Variants in CNTNAP2 observed in about 807,000 individuals in gnomAD.
The protein encoded by CNTNAP2 is contactin associated protein 2, also known as contactin-associated protein-like 2.
A neutral mutation model predicts 155.2 loss-of-function variants in CNTNAP2; 98 were observed. That is an observed-to-expected ratio of 0.63 (90% CI 0.54 to 0.75). CNTNAP2 has a LOEUF of 0.75. CNTNAP2 is among the 30% of genes least tolerant of loss of function. CNTNAP2 has a pLI of 0.00. For missense variants in CNTNAP2, 1,727 were observed against 1,688.1 expected (o/e 1.02, Z -0.40); for synonymous variants, 651 against 631.2 (o/e 1.03, Z -0.47).
intron 1 of CNTNAP2, among the ~76,000 whole-genome samples, chr7:146,179,761 A>G (rs1429830618): frequency 6.6e-6 from 1 of 152,136 alleles, no homozygotes; most frequent in Non-Finnish European, 1.5e-5. Flanking sequence ...GACCTTTCAA[A>G]ATTTAATTAT....
intron 13 of CNTNAP2, among the ~76,000 whole-genome samples, chr7:147,743,448 T>G (rs1355463834): frequency 1.3e-5 from 2 of 152,138 alleles, no homozygotes; most frequent in Admixed American, 1.3e-4. Context: ...CAAAGCAAAT[T>G]TGCTTTGTCT....
chr7:147,661,307 G>A (rs372599676), intron 13 of CNTNAP2, among the ~76,000 whole-genome samples: 3 of 151,696 alleles, frequency 2.0e-5, no homozygotes, highest in South Asian at 2.1e-4. Context: ...AATTTTAAGC[G>A]GTGCATTTTT....
intron 3 of CNTNAP2, among the ~76,000 whole-genome samples, chr7:147,041,873 A>T (rs1799265335): frequency 6.6e-6 from 1 of 152,206 alleles, no homozygotes; most frequent in Non-Finnish European, 1.5e-5. Context: ...ATTAACCCAT[A>T]TCCAATTGTA....
chr7:146,199,904 C>T (rs1395485237), intron 1 of CNTNAP2, among the ~76,000 whole-genome samples: 1 of 152,176 alleles, frequency 6.6e-6, no homozygotes, highest in Non-Finnish European at 1.5e-5. Flanking sequence ...CAGTCTTTCT[C>T]CCTTGCCCCT....
At chr7:147,242,987 A>AGTTTTTT (rs1803974719) in intron 8 of CNTNAP2, among the ~76,000 whole-genome samples, 1 of 47,168 alleles carries the variant, frequency 2.1e-5, no homozygotes, top group Non-Finnish European at 3.6e-5. Flanking sequence ...TATGCTTTGC[A>AGTTTTTT]TTTTTTTTTT....
chr7:146,857,122 G>C (rs1023345072), intron 3 of CNTNAP2, among the ~76,000 whole-genome samples: 6 of 152,008 alleles, frequency 3.9e-5, no homozygotes, highest in African/African-American at 1.5e-4. Flanking sequence ...ACACTATTTG[G>C]AAGTAAGTGA....
intron 20 of CNTNAP2, among the ~76,000 whole-genome samples, chr7:148,254,166 CCA>C (rs955283964): frequency 2.0e-5 from 3 of 152,052 alleles, no homozygotes; most frequent in African/African-American, 7.2e-5. Flanking sequence ...GAGTAGCCAC[CCA>C]CTTCAAAACT....
At chr7:147,326,088 A>G (rs1795451531) in intron 9 of CNTNAP2, among the ~76,000 whole-genome samples, 1 of 152,002 alleles carries the variant, frequency 6.6e-6, no homozygotes, top group Non-Finnish European at 1.5e-5. Context: ...ACACCCGGCT[A>G]ATTGCTTTTG....
intron 9 of CNTNAP2, among the ~76,000 whole-genome samples, chr7:147,344,881 T>G (rs148260075): frequency 6.6e-6 from 1 of 152,300 alleles, no homozygotes; most frequent in Non-Finnish European, 1.5e-5. Flanking sequence ...AGTTGACAGA[T>G]GGTAACCCTG....
intron 9 of CNTNAP2, among the ~76,000 whole-genome samples, chr7:147,326,551 A>T (rs981332179): frequency 2.6e-5 from 4 of 152,198 alleles, no homozygotes; most frequent in African/African-American, 9.7e-5. Context: ...TATACCCAGG[A>T]GTGGAATTGC....
intron 3 of CNTNAP2, among the ~76,000 whole-genome samples, chr7:146,927,070 C>A (rs1205957789): frequency 1.3e-5 from 2 of 152,108 alleles, no homozygotes; most frequent in African/African-American, 4.8e-5. Context: ...GATAAAGAAG[C>A]AATCTTGGCA....
At chr7:146,499,489 TGTGA>T (rs1314723074) in intron 1 of CNTNAP2, among the ~76,000 whole-genome samples, 1 of 152,242 alleles carries the variant, frequency 6.6e-6, no homozygotes, top group African/African-American at 2.4e-5. Context: ...AATTGGAAAC[TGTGA>T]GTTTCACAAC....
chr7:146,630,072 C>T (rs537581114), intron 1 of CNTNAP2, among the ~76,000 whole-genome samples: 2 of 151,836 alleles, frequency 1.3e-5, no homozygotes, highest in South Asian at 2.1e-4. Context: ...CCTATCAACC[C>T]GTCATCTAGG....
At chr7:147,668,257 G>A (rs75743142) in intron 13 of CNTNAP2, among the ~76,000 whole-genome samples, 13,869 of 152,184 alleles carry the variant, frequency 0.091, 1,020 homozygotes, top group Admixed American at 0.2. Flanking sequence ...GTTTAAAAAC[G>A]TGGACCCCAA....
chr7:148,239,631 T>C (rs1219627240), intron 20 of CNTNAP2, among the ~76,000 whole-genome samples: 1 of 152,216 alleles, frequency 6.6e-6, no homozygotes, highest in East Asian at 1.9e-4. Flanking sequence ...GAGCACGTTT[T>C]CATTATTTGG....
chr7:146,711,720 AC>A (rs1469403110), intron 1 of CNTNAP2, among the ~76,000 whole-genome samples: 8 of 144,370 alleles, frequency 5.5e-5, no homozygotes, highest in Non-Finnish European at 1.1e-4. Flanking sequence ...TATAGTATAC[AC>A]ATCTTATGTA....
At chr7:147,851,553 A>C (rs561646718) in intron 13 of CNTNAP2, among the ~76,000 whole-genome samples, 1,926 of 152,222 alleles carry the variant, frequency 0.013, 39 homozygotes, top group African/African-American at 0.044. Context: ...CTGGATTAAG[A>C]AAATGTGGCA....
At chr7:146,710,851 T>C (rs996920298) in intron 1 of CNTNAP2, among the ~76,000 whole-genome samples, 10 of 152,074 alleles carry the variant, frequency 6.6e-5, no homozygotes, top group Admixed American at 5.9e-4. Context: ...AAGGGGCTAG[T>C]ACTCCTCACT....
chr7:148,004,658 T>A (rs1801944640), intron 15 of CNTNAP2, among the ~76,000 whole-genome samples: 1 of 152,212 alleles, frequency 6.6e-6, no homozygotes, highest in Non-Finnish European at 1.5e-5. Flanking sequence ...TAAAACATTA[T>A]AAACAAAGAA....
Sources: allele counts gnomAD v4.1 joint callset (sites outside exome capture counted in the v4.1 genomes callset), GRCh38; gene constraint gnomAD v4.1.1; transcripts MANE v1.5; gene names NCBI Gene and HGNC (gene_info 2026-07-23, HGNC 2026-07-21).